Variants in SLC24A3 observed in about 807,000 individuals in gnomAD.
SLC24A3 encodes solute carrier family 24 member 3.
A neutral mutation model predicts 75.8 loss-of-function variants in SLC24A3; 28 were observed. That is an observed-to-expected ratio of 0.37 (90% CI 0.27 to 0.51). The LOEUF is 0.51. SLC24A3 is among the 20% of genes least tolerant of loss of function. The pLI is 0.94. For synonymous variants in SLC24A3, 372 were observed against 334.1 expected (o/e 1.11, Z -1.24); for missense variants, 663 against 847.8 (o/e 0.78, Z 2.71).
rs751085934 is a variant in SLC24A3 at position 19,583,355 on chromosome 20, C to T, written c.424-1616C>T. On this transcript the variant is annotated intron_variant, in intron 4 of 16. Coordinates refer to ENST00000328041, the MANE Select transcript of SLC24A3 (RefSeq NM_020689.4). The stretch of plus-strand genomic sequence containing the variant: ...GTATTTGGTGAGAGAATGTGTGAGC[C>T]GCAAAACCAAGATGGGGTTTTGCAC... Among the ~76,000 whole-genome samples the T allele has an allele frequency of 7.9e-5, 12 of 152,072 alleles. 1 individual carries two copies. The highest frequency in any genetic ancestry group is 3.2e-3 in the Middle Eastern group (1 of 316).
chr20:19,270,104 G>C (rs562992809), intron 1 of SLC24A3, among the ~76,000 whole-genome samples: 1 of 152,306 alleles, frequency 6.6e-6, no homozygotes, highest in African/African-American at 2.4e-5. Flanking sequence ...CATTGCTCCT[G>C]AACTTGCATT....
At chr20:19,677,387 C>T (rs954543105) in intron 9 of SLC24A3, among the ~76,000 whole-genome samples, 1 of 152,182 alleles carries the variant, frequency 6.6e-6, no homozygotes, top group South Asian at 2.1e-4. Context: ...TGCCTCTTTC[C>T]CTGTCGCTCT....
At chr20:19,476,489 A>G (rs534187966) in intron 2 of SLC24A3, among the ~76,000 whole-genome samples, 1 of 152,356 alleles carries the variant, frequency 6.6e-6, no homozygotes, top group East Asian at 1.9e-4. Flanking sequence ...ATGATCCATG[A>G]AAGGAAAATT....
intron 2 of SLC24A3, among the ~76,000 whole-genome samples, chr20:19,402,939 T>C (rs549995557): frequency 1.3e-5 from 2 of 152,348 alleles, no homozygotes; most frequent in East Asian, 3.9e-4. Context: ...GCACTGGAAA[T>C]GTGACTACTG....
chr20:19,284,210 G>C (rs1983744305), intron 2 of SLC24A3: 1 of 152,776 alleles, frequency 6.5e-6, no homozygotes, highest in Admixed American at 6.5e-5. Context: ...AAAGTTGAGA[G>C]CCAAAGCACC....
chr20:19,688,635 C>T (rs1568698753), intron 12 of SLC24A3, among the ~76,000 whole-genome samples: 1 of 152,198 alleles, frequency 6.6e-6, no homozygotes, highest in South Asian at 2.1e-4. Context: ...AAAGATCCGT[C>T]CACATGATGA....
intron 2 of SLC24A3, among the ~76,000 whole-genome samples, chr20:19,408,919 G>A (rs1568610582): frequency 2.0e-5 from 3 of 152,150 alleles, no homozygotes; most frequent in South Asian, 2.1e-4. Context: ...TTGTTCATTC[G>A]GGAAACATTT....
intron 10 of SLC24A3, 67 bp downstream of exon 10, chr20:19,682,058 G>A: frequency 1.3e-6 from 2 of 1,535,432 alleles, no homozygotes; most frequent in Non-Finnish European, 1.8e-6. Context: ...TTCAAGACCA[G>A]CCTGGCCAAC....
At chr20:19,270,866 G>A (rs75193367) in intron 1 of SLC24A3, among the ~76,000 whole-genome samples, 160 of 152,240 alleles carry the variant, frequency 1.1e-3, no homozygotes, top group African/African-American at 3.8e-3. Context: ...TCTTCATCAG[G>A]TGGGGTCAGT....
intron 2 of SLC24A3, among the ~76,000 whole-genome samples, chr20:19,443,245 G>A (rs998680214): frequency 3.9e-5 from 6 of 152,106 alleles, no homozygotes; most frequent in Non-Finnish European, 7.4e-5. Flanking sequence ...ATTTTAGATT[G>A]CATTGAACCC....
chr20:19,471,157 T>C (rs1285418405), intron 2 of SLC24A3, among the ~76,000 whole-genome samples: 1 of 151,754 alleles, frequency 6.6e-6, no homozygotes, highest in Non-Finnish European at 1.5e-5. Flanking sequence ...AGAAGCAGAG[T>C]AAGAGGGGAG....
At position 19,614,163 on chromosome 20, in the gene SLC24A3, G is replaced by A. The variant is rs551668450; in HGVS notation, c.612+28619G>A. Among the ~76,000 whole-genome samples the A allele has an allele frequency of 5.3e-5, 8 of 152,184 alleles. No homozygotes were observed. The South Asian group carries it at 1.5e-3, about 28-fold the overall frequency. ...CTTGAGATTTACAGCCAGACTGTTG[G>A]GACTAAAATCTATCTTTACCATTTG... On this transcript the variant is annotated intron_variant, in intron 6 of 16. Transcript: ENST00000328041.
At chr20:19,669,127 G>T (rs141426750) in intron 8 of SLC24A3, among the ~76,000 whole-genome samples, 149 of 152,288 alleles carry the variant, frequency 9.8e-4, no homozygotes, top group African/African-American at 2.9e-3. Context: ...TAGTGGGTGG[G>T]GTTCTCTTAG....
chr20:19,397,153 C>T (rs1986468265), intron 2 of SLC24A3, among the ~76,000 whole-genome samples: 1 of 152,326 alleles, frequency 6.6e-6, no homozygotes, highest in African/African-American at 2.4e-5. Flanking sequence ...TCAATGTAAA[C>T]ATATCATACC....
At chr20:19,595,567 G>A (rs1452041449) in intron 6 of SLC24A3, among the ~76,000 whole-genome samples, 1 of 152,212 alleles carries the variant, frequency 6.6e-6, no homozygotes, top group Non-Finnish European at 1.5e-5. Flanking sequence ...ACTCTGGGTA[G>A]CATTTGAGAC....
intron 15 of SLC24A3, among the ~76,000 whole-genome samples, chr20:19,714,405 TAAAAA>T (rs1176209950): frequency 2.0e-5 from 1 of 50,782 alleles, no homozygotes; most frequent in Non-Finnish European, 3.7e-5. Flanking sequence ...ACCCAGTCTC[TAAAAA>T]AAAAAAAAAA....
chr20:19,306,443 A>C (rs114937207), intron 2 of SLC24A3, among the ~76,000 whole-genome samples: 4,663 of 152,322 alleles, frequency 0.031, 233 homozygotes, highest in African/African-American at 0.11. Context: ...AAGACATGAA[A>C]TCAACCTAGG....
intron 2 of SLC24A3, among the ~76,000 whole-genome samples, chr20:19,367,287 G>T (rs747373048): frequency 6.6e-6 from 1 of 152,192 alleles, no homozygotes; most frequent in Non-Finnish European, 1.5e-5. Context: ...CACAGGAGCC[G>T]ATTGGCTCCC....
intron 3 of SLC24A3, among the ~76,000 whole-genome samples, chr20:19,519,776 C>T (rs2030067502): frequency 6.6e-6 from 1 of 152,194 alleles, no homozygotes; most frequent in African/African-American, 2.4e-5. Flanking sequence ...TGTGATTTAT[C>T]AAGATCTTGT....
Sources: gnomAD v4.1 joint callset for allele counts (sites outside exome capture counted in the v4.1 genomes callset) on GRCh38, gnomAD v4.1.1 for gene constraint, MANE v1.5 for transcripts, NCBI Gene and HGNC (gene_info 2026-07-23, HGNC 2026-07-21) for gene names.